RAD50: variants seen among roughly 807,000 people sequenced by gnomAD.
RAD50 encodes RAD50 double strand break repair protein.
A neutral mutation model predicts 168.8 loss-of-function variants in RAD50; 132 were observed. That is an observed-to-expected ratio of 0.78 (90% CI 0.68 to 0.90). The LOEUF (loss-of-function observed/expected upper bound fraction) is 0.90. Ranked by LOEUF, RAD50 falls within the 40% of genes least tolerant of loss-of-function variation. The pLI is 0.00. For synonymous variants in RAD50, 525 were observed against 497.4 expected, an observed-to-expected ratio of 1.06 and a Z score of -0.74; for missense variants, 1,347 against 1,534.4, an observed-to-expected ratio of 0.88 and a Z score of 2.04.
At chr5:132,598,045 C>T (rs956282374) in intron 13 of RAD50, among the ~76,000 whole-genome samples, 5 of 148,042 alleles carry the variant, frequency 3.4e-5, no homozygotes, top group African/African-American at 7.7e-5. Flanking sequence ...CTAGCTATCA[C>T]GGCTCCTTTT....
chr5:132,604,954 T>G lies in RAD50; in HGVS notation c.2673T>G (p.Thr891=). ...LQRRQQLEEQ[T]VELSTEVQSL... ...GTCGTCAGCAACTGGAGGAGCAGAC[T>G]GTGGAATTATCCACTGAAGTTCAGT... Residue 891 remains threonine (T), a synonymous_variant, in exon 16 of 25, where the codon ACT becomes ACG. Coordinates refer to ENST00000378823, the MANE Select transcript of RAD50 (RefSeq NM_005732.4). 6.2e-7 allele frequency: 1 copy of G among 1,613,978 alleles called. No individual in the cohort carries two copies. Among genetic ancestry groups the G allele is most frequent in the Non-Finnish European group, 8.5e-7 (1 of 1,179,830 alleles).
At position 132,591,987 on chromosome 5, in the gene RAD50, T is replaced by C. The variant is rs1750709912; in HGVS notation, c.1746T>C (p.Ser582=). ...AACAGCTTGAAGACTGGCTACATAG[T>C]AAATCAAAAGAAATTAATCAGACCA... ...NKKQLEDWLH[S]KSKEINQTRD... Residue 582 remains serine, a synonymous_variant, in exon 11 of 25, where the codon AGT becomes AGC. Transcript: ENST00000378823. The C allele has an allele frequency of 6.2e-7, 1 of 1,613,078 alleles. No individual in the cohort carries two copies. The highest frequency in any genetic ancestry group is 8.5e-7 in the Non-Finnish European group (1 of 1,179,382).
chr5:132,575,989 G>C, intron 3 of RAD50, 61 bp downstream of exon 3: 1 of 1,464,502 alleles, frequency 6.8e-7, no homozygotes, highest in South Asian at 1.3e-5. Context: ...TCTGTAAGTT[G>C]ATGGTTGTTT....
intron 16 of RAD50, among the ~76,000 whole-genome samples, chr5:132,605,290 A>G (rs112478070): frequency 2.6e-5 from 4 of 151,872 alleles, no homozygotes; most frequent in Admixed American, 2.0e-4. Flanking sequence ...TGATCCGCCT[A>G]CCTTGGCCTC....
intron 2 of RAD50, among the ~76,000 whole-genome samples, chr5:132,572,852 T>C (rs1750331107): frequency 6.6e-6 from 1 of 152,252 alleles, no homozygotes; most frequent in African/African-American, 2.4e-5. Flanking sequence ...CAGGGTAATC[T>C]TTCTATTTTA....
At chr5:132,606,652 C>G (rs1750990763) in intron 16 of RAD50, among the ~76,000 whole-genome samples, 1 of 152,166 alleles carries the variant, frequency 6.6e-6, no homozygotes, top group Non-Finnish European at 1.5e-5. Flanking sequence ...CAAAACCTAG[C>G]AGAGACACAA....
At chr5:132,583,690 C>CTTTTTT (rs35842753) in intron 5 of RAD50, among the ~76,000 whole-genome samples, 3 of 117,638 alleles carry the variant, frequency 2.6e-5, no homozygotes, top group Non-Finnish European at 3.5e-5. Flanking sequence ...TAATTCATTC[C>CTTTTTT]TTTTTTTTTT....
At chr5:132,603,592 TG>T in intron 14 of RAD50, 103 bp downstream of exon 14, 2 of 1,272,340 alleles carry the variant, frequency 1.6e-6, no homozygotes, top group Admixed American at 3.6e-5. Flanking sequence ...GTACAGGTTG[TG>T]TTTAGAATTC....
chr5:132,560,605 A>G (rs2149831847), intron 2 of RAD50, among the ~76,000 whole-genome samples: 1 of 152,354 alleles, frequency 6.6e-6, no homozygotes, highest in South Asian at 2.1e-4. Context: ...AAACTACTGT[A>G]CATACGTGCC....
In RAD50 at chr5:132,557,363, G is replaced by A. The variant is rs779005784; in HGVS notation, c.39G>A (p.Arg13=). The A allele has an allele frequency of 1.9e-5, 30 of 1,614,054 alleles. No homozygotes were observed. The highest frequency in any genetic ancestry group is 3.3e-5 in the Admixed American group (2 of 60,008). The stretch of plus-strand genomic sequence containing the variant: ...AAAAGATGAGCATTCTGGGCGTGCG[G>A]AGTTTTGGAATAGAGGACAAAGATA... ...RIEKMSILGV[R]SFGIEDKDKQ... is the part of the protein sequence containing the mutation. Residue 13 remains arginine, a synonymous_variant, in exon 1 of 25, where the codon CGG becomes CGA. Transcript: ENST00000378823.
chr5:132,630,256 A>T lies in RAD50; in HGVS notation c.3390-6859A>T, dbSNP rs970494505. 1.1e-4 allele frequency among the ~76,000 whole-genome samples: 17 copies of T among 151,962 alleles called. 1 individual carries two copies. The highest frequency in any genetic ancestry group is 1.1e-3 in the Admixed American group (17 of 15,254). ...ACGGGGTTTCACCATGTTGGCCAGGATGGTCTTGATCTCTTGACCTTGTGA... is the reference window on the plus strand; with the variant it reads ...ACGGGGTTTCACCATGTTGGCCAGGTTGGTCTTGATCTCTTGACCTTGTGA... On this transcript the variant is annotated intron_variant, in intron 21 of 24. Coordinates refer to ENST00000378823, the MANE Select transcript of RAD50 (RefSeq NM_005732.4).
chr5:132,579,673 G>C (rs189840092), intron 4 of RAD50, 171 bp downstream of exon 4: 3 of 831,444 alleles, frequency 3.6e-6, no homozygotes, highest in African/African-American at 3.5e-5. Flanking sequence ...CTTTCTGTGC[G>C]TATATTTATT....
At chr5:132,590,807 TG>T (rs539427513) in intron 9 of RAD50, among the ~76,000 whole-genome samples, 101 of 152,202 alleles carry the variant, frequency 6.6e-4, no homozygotes, top group Non-Finnish European at 1.2e-3. Context: ...GTTGTCTTGT[TG>T]GGGTGGGGAG....
At chr5:132,627,339 G>A (rs2149857954) in intron 21 of RAD50, among the ~76,000 whole-genome samples, 1 of 152,202 alleles carries the variant, frequency 6.6e-6, no homozygotes, top group African/African-American at 2.4e-5. Flanking sequence ...AAAAATTTGA[G>A]TACATAAATG....
intron 22 of RAD50, 81 bp from the exon 23 acceptor site, chr5:132,638,000 C>T (rs1463436950): frequency 1.0e-5 from 15 of 1,460,738 alleles, no homozygotes; most frequent in Non-Finnish European, 1.3e-5. Context: ...TCTGTTGTTC[C>T]TAGGCTTACT....
chr5:132,567,038 A>G (rs1170677167), intron 2 of RAD50, among the ~76,000 whole-genome samples: 1 of 152,238 alleles, frequency 6.6e-6, no homozygotes, highest in Non-Finnish European at 1.5e-5. Flanking sequence ...TTCAAAGGAA[A>G]AAAAGTCTGT....
intron 21 of RAD50, among the ~76,000 whole-genome samples, chr5:132,619,883 T>C (rs140251311): frequency 8.1e-6 from 1 of 124,108 alleles, no homozygotes; most frequent in East Asian, 2.5e-4. Flanking sequence ...TATATATATA[T>C]ATAGAGAGAG....
rs547370566 is a variant in RAD50, at chr5:132,609,154, G to T, written c.2867G>T (p.Gly956Val). Residue 956 changes from glycine (G) to valine (V), a missense_variant, in exon 18 of 25, where the codon GGC (glycine) becomes GTC (valine). Transcript: ENST00000378823. Reference protein sequence around the residue: ...DIKEKVKNIHGYMKDIENYIQ... With the variant: ...DIKEKVKNIHVYMKDIENYIQ... The stretch of plus-strand genomic sequence containing the variant: ...AAAGAGAAGGTTAAAAATATTCATG[G>T]CTATATGAAAGACATTGAGAATTAT... The T allele has an allele frequency of 6.2e-7, 1 of 1,611,792 alleles. No homozygotes were observed. Among genetic ancestry groups the T allele is most frequent in the African/African-American group, 1.3e-5 (1 of 74,962 alleles).
chr5:132,570,072 C>T (rs933833249), intron 2 of RAD50, among the ~76,000 whole-genome samples: 1 of 152,130 alleles, frequency 6.6e-6, no homozygotes, highest in Non-Finnish European at 1.5e-5. Flanking sequence ...ACAGAAAACG[C>T]ATTTCAATTT....
Sources: gnomAD v4.1 joint callset for allele counts (sites outside exome capture counted in the v4.1 genomes callset) on GRCh38, gnomAD v4.1.1 for gene constraint, MANE v1.5 for transcripts, NCBI Gene and HGNC (gene_info 2026-07-23, HGNC 2026-07-21) for gene names.